Variants in ME3 observed in about 807,000 individuals in gnomAD.
ME3 encodes malic enzyme 3, also known as NADP-dependent malic enzyme, mitochondrial.
A neutral mutation model predicts 68.9 loss-of-function variants in ME3; 48 were observed. The observed-to-expected ratio is 0.70, with a 90% CI of 0.55 to 0.89. The LOEUF (loss-of-function observed/expected upper bound fraction) is 0.89. Ranked by LOEUF, ME3 falls within the 40% of genes least tolerant of loss-of-function variation. The pLI is 0.00. For synonymous variants in ME3, 320 were observed against 318.8 expected (o/e 1.00, Z -0.04); for missense variants, 675 against 797.4 (o/e 0.85, Z 1.85).
chr11:86,649,451 C>T (rs1945251899), intron 2 of ME3, among the ~76,000 whole-genome samples: 1 of 152,090 alleles, frequency 6.6e-6, no homozygotes, highest in Admixed American at 6.6e-5. Context: ...ATAATATTGA[C>T]AGTTCTGGCC....
intron 9 of ME3, 113 bp downstream of exon 9, chr11:86,450,188 G>A: frequency 9.1e-7 from 1 of 1,100,918 alleles, no homozygotes; most frequent in Admixed American, 2.0e-5. Flanking sequence ...ATCACAATAT[G>A]TCTGTGCTGC....
chr11:86,583,947 C>T (rs932621377), intron 2 of ME3, among the ~76,000 whole-genome samples: 3 of 151,964 alleles, frequency 2.0e-5, no homozygotes, highest in African/African-American at 7.2e-5. Flanking sequence ...CAGGCAAAAA[C>T]AGTAAAAATA....
chr11:86,501,309 G>T (rs1952709336), intron 5 of ME3, among the ~76,000 whole-genome samples: 1 of 152,112 alleles, frequency 6.6e-6, no homozygotes, highest in Non-Finnish European at 1.5e-5. Context: ...TGACTGTAAT[G>T]ATGATGATTA....
At chr11:86,580,583 T>A (rs10501623) in intron 2 of ME3, among the ~76,000 whole-genome samples, 2 of 152,048 alleles carry the variant, frequency 1.3e-5, no homozygotes, top group African/African-American at 4.8e-5. Context: ...TACTTCAGTC[T>A]TAATATCAAA....
intron 4 of ME3, among the ~76,000 whole-genome samples, chr11:86,545,894 T>A (rs1400988987): frequency 6.6e-6 from 1 of 152,168 alleles, no homozygotes; most frequent in Non-Finnish European, 1.5e-5. Context: ...GGAGGCATCA[T>A]GCTACCTGAC....
intron 2 of ME3, among the ~76,000 whole-genome samples, chr11:86,627,993 A>G (rs1384132734): frequency 6.6e-6 from 1 of 152,202 alleles, no homozygotes; most frequent in Admixed American, 6.5e-5. Context: ...CTCCATGTCC[A>G]GTCACCATGT....
chr11:86,436,418 C>G (rs1241970583), downstream of ME3: 1 of 151,862 alleles, frequency 6.6e-6, no homozygotes, highest in East Asian at 1.9e-4. Context: ...GTGTCTTCGT[C>G]AGATATATGA....
At chr11:86,531,768 T>C (rs542281600) in intron 4 of ME3, among the ~76,000 whole-genome samples, 76 of 133,356 alleles carry the variant, frequency 5.7e-4, no homozygotes, top group African/African-American at 1.6e-3. Context: ...TAGGTGGGAA[T>C]TGAACAATGA....
chr11:86,661,255 G>A (rs1448906718), intron 2 of ME3, among the ~76,000 whole-genome samples: 1 of 152,226 alleles, frequency 6.6e-6, no homozygotes, highest in Non-Finnish European at 1.5e-5. Flanking sequence ...GAGGATGAAT[G>A]AATTACTGCC....
At chr11:86,621,508 A>G (rs1943348496) in intron 2 of ME3, among the ~76,000 whole-genome samples, 2 of 152,042 alleles carry the variant, frequency 1.3e-5, no homozygotes, top group African/African-American at 4.8e-5. Flanking sequence ...TGGTTCCATC[A>G]CTTCAGAAAG....
In ME3 at chr11:86,470,052, C is replaced by T. The variant is rs115163813; in HGVS notation, c.810-4852G>A. Among the ~76,000 whole-genome samples, 628 of 152,218 alleles carry T rather than the reference C, an allele frequency of 4.1e-3. 6 individuals are homozygous for T. Among genetic ancestry groups the T allele is most frequent in the African/African-American group, 0.015 (609 of 41,532 alleles). Reference sequence around the variant, plus strand: ...GAGGTGGCTGTTCTGCCCTTCTCCCCAGTGTGTGAACCAAATGCAGAGTGA... The same window carrying T: ...GAGGTGGCTGTTCTGCCCTTCTCCCTAGTGTGTGAACCAAATGCAGAGTGA... On this transcript the variant is annotated intron_variant, in intron 7 of 14. Coordinates refer to ENST00000543262, the Ensembl canonical transcript of ME3.
intron 2 of ME3, among the ~76,000 whole-genome samples, chr11:86,655,836 C>T (rs968600733): frequency 6.6e-5 from 10 of 151,872 alleles, no homozygotes; most frequent in East Asian, 1.9e-4. Context: ...AGAAAATTTT[C>T]GCAACCTACT....
intron 2 of ME3, among the ~76,000 whole-genome samples, chr11:86,660,242 G>A (rs559900778): frequency 1.3e-5 from 2 of 152,282 alleles, no homozygotes; most frequent in East Asian, 1.9e-4. Flanking sequence ...AAGTGAGTTT[G>A]ATCCTTCAGT....
chr11:86,479,018 T>C (rs555851844), intron 7 of ME3, among the ~76,000 whole-genome samples: 12 of 152,208 alleles, frequency 7.9e-5, no homozygotes, highest in Non-Finnish European at 1.6e-4. Flanking sequence ...TGGGTATGTT[T>C]GTGAGGGTGT....
chr11:86,580,520 G>A (rs1164460834), intron 2 of ME3, among the ~76,000 whole-genome samples: 1 of 152,122 alleles, frequency 6.6e-6, no homozygotes, highest in Non-Finnish European at 1.5e-5. Context: ...ATAGATGAAT[G>A]CTCAGTTTGT....
At chr11:86,474,455 C>T (rs7925379) in intron 7 of ME3, among the ~76,000 whole-genome samples, 2,543 of 152,244 alleles carry the variant, frequency 0.017, 81 homozygotes, top group African/African-American at 0.059. Context: ...GGCTGACCTG[C>T]TGACCTCTCA....
At chr11:86,478,295 C>G (rs1288060691) in intron 7 of ME3, among the ~76,000 whole-genome samples, 1 of 120,908 alleles carries the variant, frequency 8.3e-6, no homozygotes, top group Non-Finnish European at 1.6e-5. Flanking sequence ...TTTGCCCAAT[C>G]TCTCCTCTGA....
At chr11:86,533,833 C>T (rs989871462) in intron 4 of ME3, among the ~76,000 whole-genome samples, 7 of 152,152 alleles carry the variant, frequency 4.6e-5, no homozygotes, top group African/African-American at 1.2e-4. Context: ...CTTACACAAA[C>T]CTAGATGGTA....
intron 8 of ME3, among the ~76,000 whole-genome samples, chr11:86,452,069 G>A (rs1433678066): frequency 6.6e-6 from 1 of 152,194 alleles, no homozygotes; most frequent in Non-Finnish European, 1.5e-5. Flanking sequence ...TAGCCAAAAT[G>A]TATGGGTCTA....
Sources: allele counts gnomAD v4.1 joint callset (sites outside exome capture counted in the v4.1 genomes callset), GRCh38; gene constraint gnomAD v4.1.1; transcripts MANE v1.5; gene names NCBI Gene and HGNC (gene_info 2026-07-23, HGNC 2026-07-21).